Variants in CALHM5 observed in about 807,000 individuals in gnomAD.
The protein encoded by CALHM5 is calcium homeostasis modulator family member 5.
In CALHM5, 17 loss-of-function variants were observed where a neutral mutation model predicts 20.9. The observed-to-expected ratio is 0.82, with a 90% confidence interval of 0.56 to 1.22. The LOEUF is 1.22. CALHM5 is among the 50% of genes most tolerant of loss of function. The probability of loss-of-function intolerance (pLI) is 0.00; values close to 1 mark genes in which losing one functional copy is unlikely to be tolerated. For synonymous variants in CALHM5, 148 were observed against 140.0 expected (o/e 1.06, Z -0.40); for missense variants, 360 against 364.6 (o/e 0.99, Z 0.10).
rs1182081063 is a variant in CALHM5, at chr6:116,522,075, T to C, written c.*6086T>C. 5.9e-5 allele frequency: 9 copies of C among 152,208 alleles called. No individual in the cohort carries two copies. The allele number at this position is 152,208 out of a possible 1,614,324, so 9.4% of individuals were successfully genotyped here. A position where few individuals can be genotyped will look rare whatever the true frequency, so the allele number is the denominator to read the frequency against. On this transcript the variant is annotated 3_prime_UTR_variant, in exon 2 of 2. Transcript: ENST00000368599. ...CCAATGGCTCCAATTGTCTCAGATA[T>C]TCTAGCTTAGGGGTCAGGCATGTGA...
At position 116,519,881 on chromosome 6, in the gene CALHM5, G is replaced by C. The variant is rs555846461; in HGVS notation, c.*3892G>C. On this transcript the variant is annotated 3_prime_UTR_variant, in exon 2 of 2. Coordinates refer to ENST00000368599, the MANE Select transcript of CALHM5 (RefSeq NM_153711.5). ...CCTGTGCAGTTCCTTCCTTTTTTCA[G>C]GCTCAACCACTTAATTCAGCTTTAG... 6.6e-6 allele frequency: 1 copy of C among 151,982 alleles called. No individual in the cohort carries two copies. The highest frequency in any genetic ancestry group is 2.1e-4 in the South Asian group (1 of 4,810). 9.4% of individuals were successfully genotyped at this position (151,982 alleles called of 1,614,324 possible).
At position 116,511,883 on chromosome 6, in the gene CALHM5, C is replaced by G. The variant is rs1772127801; in HGVS notation, c.187C>G (p.Leu63Val). The change falls in exon 1 of 2, where the codon CTG becomes GTG. Residue 63 changes from leucine to valine, a missense_variant. Physicochemically the swap from Leu to Val is conservative, Grantham distance 32 (BLOSUM62 1). Transcript: ENST00000368599. ...CCTCTTTGCTCCTGCCTGGGTGTTA[C>G]TGATCCTGGGATTCTTTCTGAACAA... ...VFLFAPAWVLLILGFFLNNRS... is the reference protein window; with the variant it reads ...VFLFAPAWVLVILGFFLNNRS... 1 of 1,614,076 alleles carries G rather than the reference C, an allele frequency of 6.2e-7. No homozygotes were observed. The highest frequency in any genetic ancestry group is 1.1e-5 in the South Asian group (1 of 91,080).
chr6:116,513,817 A>C (rs2115166374), intron 1 of CALHM5, among the ~76,000 whole-genome samples: 1 of 152,298 alleles, frequency 6.6e-6, no homozygotes, highest in South Asian at 2.1e-4. Context: ...ATTCTTAAGG[A>C]AGATAGAATG....
intron 1 of CALHM5, among the ~76,000 whole-genome samples, chr6:116,514,475 A>C (rs1772183399): frequency 6.6e-6 from 1 of 152,256 alleles, no homozygotes; most frequent in Non-Finnish European, 1.5e-5. Context: ...GAAGAATAGC[A>C]GCATATAATA....
At chr6:116,512,630 A>T (rs1331760320) in intron 1 of CALHM5, among the ~76,000 whole-genome samples, 1 of 152,220 alleles carries the variant, frequency 6.6e-6, no homozygotes, top group Non-Finnish European at 1.5e-5. Flanking sequence ...TGTTTTCTCA[A>T]ACACACACAT....
chr6:116,517,710 G>A lies in CALHM5; in HGVS notation c.*1721G>A, dbSNP rs964106097. On this transcript the variant is annotated 3_prime_UTR_variant, in exon 2 of 2. Coordinates refer to ENST00000368599, the MANE Select transcript of CALHM5 (RefSeq NM_153711.5). ...CCAAGTGATGTGTCTGGTAGTACGC[G>A]AATGAGATGACTGATAGTTAGGGGC... 1.3e-5 allele frequency: 2 copies of A among 152,130 alleles called. No individual in the cohort carries two copies. Among genetic ancestry groups the A allele is most frequent in the Non-Finnish European group, 2.9e-5 (2 of 68,036 alleles). 9.4% of individuals were successfully genotyped at this position (152,130 alleles called of 1,614,324 possible).
At chr6:116,515,214 A>C (rs1453572067) in intron 1 of CALHM5, among the ~76,000 whole-genome samples, 4 of 152,194 alleles carry the variant, frequency 2.6e-5, no homozygotes, top group Non-Finnish European at 5.9e-5. Context: ...TGCCTGGCTG[A>C]AGAGCTGGTC....
Position 116,516,225 on chromosome 6 carries a change from C to T in CALHM5, c.*236C>T. 1 of 404,086 alleles carries T rather than the reference C, an allele frequency of 2.5e-6. No homozygotes were observed. 25.0% of individuals were successfully genotyped at this position (404,086 alleles called of 1,614,324 possible). On this transcript the variant is annotated 3_prime_UTR_variant, in exon 2 of 2. Transcript: ENST00000368599. ...CATTGGTGGAGAGGGGCTCAGTAGGCCTAAATGTTGCTCCAAGATCTAAGA... is the reference window on the plus strand; with the variant it reads ...CATTGGTGGAGAGGGGCTCAGTAGGTCTAAATGTTGCTCCAAGATCTAAGA...
chr6:116,524,706 C>A lies in CALHM5; in HGVS notation c.*8717C>A, dbSNP rs530042763. ...GGCCTTCAGGTAGGTCTTTTTGGAA[C>A]GATTTTTCCTGCTACAAGTTTACTC... On this transcript the variant is annotated 3_prime_UTR_variant, in exon 2 of 2. Coordinates refer to ENST00000368599, the MANE Select transcript of CALHM5 (RefSeq NM_153711.5). The A allele has an allele frequency of 1.4e-3, 207 of 152,110 alleles. No individual in the cohort carries two copies. Among genetic ancestry groups the A allele is most frequent in the African/African-American group, 4.6e-3 (191 of 41,516 alleles). 9.4% of individuals were successfully genotyped at this position (152,110 alleles called of 1,614,324 possible).
chr6:116,521,640 A>C lies in CALHM5; in HGVS notation c.*5651A>C, dbSNP rs1772345699. 1 of 152,122 alleles carries C rather than the reference A, an allele frequency of 6.6e-6. No individual in the cohort carries two copies. Among genetic ancestry groups the C allele is most frequent in the Non-Finnish European group, 1.5e-5 (1 of 68,032 alleles). 9.4% of individuals were successfully genotyped at this position (152,122 alleles called of 1,614,324 possible). ...AGGGCAGATTTTCCTTACTCAGTCC[A>C]CTGATTCAAATGCCAATCTTTTTTG... On this transcript the variant is annotated 3_prime_UTR_variant, in exon 2 of 2. Coordinates refer to ENST00000368599, the MANE Select transcript of CALHM5 (RefSeq NM_153711.5).
In CALHM5 at chr6:116,521,802, ATGT is replaced by A. The variant is rs1361302896; in HGVS notation, c.*5814_*5816del. 1 of 152,246 alleles carries A rather than the reference ATGT, an allele frequency of 6.6e-6. No individual in the cohort carries two copies. The highest frequency in any genetic ancestry group is 6.5e-5 in the Admixed American group (1 of 15,276). 9.4% of individuals were successfully genotyped at this position (152,246 alleles called of 1,614,324 possible). A position where few individuals can be genotyped will look rare whatever the true frequency, so the allele number is the denominator to read the frequency against. ...ATGGTTCAATGGCTCCTTCTGGCAG[ATGT>A]AGTCGTGTTATCCTCACTTTGAATC... On this transcript the variant is annotated 3_prime_UTR_variant, in exon 2 of 2. Transcript: ENST00000368599.
chr6:116,514,481 T>C (rs148631829), intron 1 of CALHM5, among the ~76,000 whole-genome samples: 41 of 152,322 alleles, frequency 2.7e-4, no homozygotes, highest in African/African-American at 9.4e-4. Flanking sequence ...TAGCAGCATA[T>C]AATATTAGCT....
At position 116,519,547 on chromosome 6, in the gene CALHM5, T is replaced by C. The variant is rs2753108; in HGVS notation, c.*3558T>C. 5,555 of 152,304 alleles carry C rather than the reference T, an allele frequency of 0.036. 129 individuals carry two copies. Among genetic ancestry groups the C allele is most frequent in the Middle Eastern group, 0.095 (28 of 294 alleles). 9.4% of individuals were successfully genotyped at this position (152,304 alleles called of 1,614,324 possible). On this transcript the variant is annotated 3_prime_UTR_variant, in exon 2 of 2. Coordinates refer to ENST00000368599, the MANE Select transcript of CALHM5 (RefSeq NM_153711.5). ...GGGCACCCAATGGTCATACTAATGT[T>C]TGCCATAACAGTCTCTTCTAGGTCT... is the stretch of plus-strand genomic sequence containing the variant.
At position 116,512,254 on chromosome 6, in the gene CALHM5, C is replaced by A. The variant is rs1583269533; in HGVS notation, c.540+18C>A. On this transcript the variant is annotated intron_variant, in intron 1 of 1. Coordinates refer to ENST00000368599, the MANE Select transcript of CALHM5 (RefSeq NM_153711.5). ...AGTCTCAGGTAAGAAAAGACAAACT[C>A]GCCTTTTTCTCTCAGCATGAGCTCG... 4.4e-6 allele frequency: 7 copies of A among 1,575,964 alleles called. No individual in the cohort carries two copies. Among genetic ancestry groups the A allele is most frequent in the African/African-American group, 2.7e-5 (2 of 74,228 alleles).
Position 116,511,843 on chromosome 6 carries a change from C to T in CALHM5, c.147C>T (p.Thr49=), listed in dbSNP as rs199958304. 12 of 1,614,080 alleles carry T rather than the reference C, an allele frequency of 7.4e-6. No individual in the cohort carries two copies. In the East Asian group the frequency reaches 1.8e-4, roughly 24 times the overall value. The change falls in exon 1 of 2, where the codon ACC becomes ACT. Residue 49 remains threonine, a synonymous_variant. Transcript: ENST00000368599. ...FKCPCSTENM[T]YGLVFLFAPA... ...GCCCCTGCAGCACTGAGAATATGAC[C>T]TATGGGCTGGTTTTCCTCTTTGCTC...
Position 116,511,912 on chromosome 6 carries a change from G to T in CALHM5, c.216G>T (p.Arg72Ser). 1 of 1,614,014 alleles carries T rather than the reference G, an allele frequency of 6.2e-7. No individual in the cohort carries two copies. The highest frequency in any genetic ancestry group is 8.5e-7 in the Non-Finnish European group (1 of 1,180,008). Residue 72 changes from arginine (R) to serine (S), a missense_variant, in exon 1 of 2, where the codon AGG (arginine) becomes AGT (serine). Arg to Ser is a moderately radical substitution (Grantham distance 110). Transcript: ENST00000368599. ...TCCTGGGATTCTTTCTGAACAATAG[G>T]TCGTGGAGACTCTTCACAGGCTGCT... ...LLILGFFLNN[R>S]SWRLFTGCCV...
chr6:116,516,040 A>C lies in CALHM5; in HGVS notation c.*51A>C. The C allele has an allele frequency of 6.5e-7, 1 of 1,527,768 alleles. No homozygotes were observed. Among genetic ancestry groups the C allele is most frequent in the Non-Finnish European group, 8.8e-7 (1 of 1,137,020 alleles). The allele number at this position is 1,527,768 out of a possible 1,614,324, so 94.6% of individuals were successfully genotyped here. On this transcript the variant is annotated 3_prime_UTR_variant, in exon 2 of 2. Coordinates refer to ENST00000368599, the MANE Select transcript of CALHM5 (RefSeq NM_153711.5). The stretch of plus-strand genomic sequence containing the variant: ...TGTTGAGTGGCATGCTCATTCTGTG[A>C]TCCTCCTAACGTATCACCAGCAACC...
intron 1 of CALHM5, 144 bp downstream of exon 1, chr6:116,512,380 T>C (rs1047449850): frequency 1.7e-5 from 16 of 958,110 alleles, no homozygotes; most frequent in African/African-American, 5.0e-5. Flanking sequence ...ATTGAGACTA[T>C]CTCAGGAAAA....
At position 116,518,862 on chromosome 6, in the gene CALHM5, T is replaced by C. The variant is rs1307362985; in HGVS notation, c.*2873T>C. 2.0e-5 allele frequency: 3 copies of C among 152,194 alleles called. No individual in the cohort carries two copies. Among genetic ancestry groups the C allele is most frequent in the Non-Finnish European group, 2.9e-5 (2 of 68,024 alleles). 9.4% of individuals were successfully genotyped at this position (152,194 alleles called of 1,614,324 possible). On this transcript the variant is annotated 3_prime_UTR_variant, in exon 2 of 2. Transcript: ENST00000368599. Reference sequence around the variant, plus strand: ...GCAAGAAGCCAGCAGCCTGGGTACTTGTTGCTGCAGCTTAGTAAGTAGCAG... The same window carrying C: ...GCAAGAAGCCAGCAGCCTGGGTACTCGTTGCTGCAGCTTAGTAAGTAGCAG...
Sources: allele counts gnomAD v4.1 joint callset (sites outside exome capture counted in the v4.1 genomes callset), GRCh38; gene constraint gnomAD v4.1.1; transcripts MANE v1.5; gene names NCBI Gene and HGNC (gene_info 2026-07-23, HGNC 2026-07-21).